The following PTPN3 variants were observed in gnomAD, a reference collection of about 807,000 sequenced individuals.
PTPN3 encodes protein tyrosine phosphatase non-receptor type 3, also known as tyrosine-protein phosphatase non-receptor type 3.
In PTPN3, 96 loss-of-function variants were observed where a neutral mutation model predicts 132.7. The observed-to-expected ratio is 0.72, with a 90% confidence interval of 0.61 to 0.86. The LOEUF (loss-of-function observed/expected upper bound fraction) is 0.86, where lower values mean the gene tolerates loss of function less well. PTPN3 is among the 40% of genes least tolerant of loss of function. The pLI, the probability that PTPN3 is intolerant of heterozygous loss-of-function variation, is 0.00. For missense variants in PTPN3, 1,125 were observed against 1,159.6 expected (o/e 0.97, Z 0.43); for synonymous variants, 398 against 429.0 (o/e 0.93, Z 0.89).
At chr9:109,526,780 A>G in the PTPN3 span, among the ~76,000 whole-genome samples, 1 of 152,230 alleles carries the variant, frequency 6.6e-6, no homozygotes, top group African/African-American at 2.4e-5. Flanking sequence ...CAACTTATAA[A>G]GCTATAGCAA....
In PTPN3 at chr9:109,380,609, C is replaced by T. The variant is rs117193616; in HGVS notation, c.2665-976G>A. On this transcript the variant is annotated intron_variant, in intron 25 of 25. Coordinates refer to ENST00000374541, the MANE Select transcript of PTPN3 (RefSeq NM_002829.4). ...GGACTTTTTTCTTTTTAACCAGCCA[C>T]GAGGTCTTCCATACCAAAAAACAGG... is the stretch of plus-strand genomic sequence containing the variant. 6.6e-5 allele frequency among the ~76,000 whole-genome samples: 10 copies of T among 152,250 alleles called. No homozygotes were observed. The East Asian group carries it at 1.4e-3, about 21-fold the overall frequency.
chr9:109,390,845 T>C (rs984585545), intron 21 of PTPN3, among the ~76,000 whole-genome samples: 1 of 152,160 alleles, frequency 6.6e-6, no homozygotes, highest in Non-Finnish European at 1.5e-5. Flanking sequence ...AACACCTGAA[T>C]GGAAGCCACT....
chr9:109,453,043 G>A (rs73654244), intron 5 of PTPN3, among the ~76,000 whole-genome samples: 3,804 of 152,284 alleles, frequency 0.025, 144 homozygotes, highest in African/African-American at 0.086. Context: ...AAAACTCAGA[G>A]GACAGGGCAT....
At chr9:109,440,696 C>A (rs1424151781) in intron 7 of PTPN3, among the ~76,000 whole-genome samples, 2 of 152,210 alleles carry the variant, frequency 1.3e-5, no homozygotes, top group Non-Finnish European at 2.9e-5. Context: ...GGAGATCCTC[C>A]TGGATCCCAA....
intron 4 of PTPN3, among the ~76,000 whole-genome samples, chr9:109,455,742 C>T (rs569632563): frequency 1.6e-4 from 24 of 152,306 alleles, no homozygotes; most frequent in Middle Eastern, 3.4e-3. Flanking sequence ...TGTCCCCTAT[C>T]GTGTGCTTAC....
intron 9 of PTPN3, among the ~76,000 whole-genome samples, chr9:109,433,574 T>A (rs1394428238): frequency 6.6e-6 from 1 of 152,190 alleles, no homozygotes; most frequent in Admixed American, 6.5e-5. Context: ...ATGATGAAAA[T>A]GTATACATGT....
chr9:109,443,075 ATT>A (rs34673663), intron 7 of PTPN3, among the ~76,000 whole-genome samples: 35 of 137,318 alleles, frequency 2.5e-4, no homozygotes, highest in Non-Finnish European at 2.0e-4. Context: ...GAGACATCAG[ATT>A]TTTTTTTTTT....
At chr9:109,410,177 A>G (rs2131763324) in intron 15 of PTPN3, 52 bp downstream of exon 15, 1 of 1,611,042 alleles carries the variant, frequency 6.2e-7, no homozygotes, top group South Asian at 1.1e-5. Context: ...TGCCCACAAG[A>G]GGCCGGGAAG....
rs764692657 is a variant in PTPN3 at position 109,427,142 on chromosome 9, A to G, written c.829-20T>C. The G allele has an allele frequency of 6.2e-7, 1 of 1,612,574 alleles. No individual in the cohort carries two copies. The highest frequency in any genetic ancestry group is 2.2e-5 in the East Asian group (1 of 44,862). On this transcript the variant is annotated intron_variant, in intron 11 of 25. Coordinates refer to ENST00000374541, the MANE Select transcript of PTPN3 (RefSeq NM_002829.4). ...TTCAGCCTGGGAGGAAAAACAGTCA[A>G]GATTTCACCCACACAGACATAGGAG...
chr9:109,475,890 G>A (rs1277625250), intron 1 of PTPN3, among the ~76,000 whole-genome samples: 1 of 152,172 alleles, frequency 6.6e-6, no homozygotes, highest in African/African-American at 2.4e-5. Flanking sequence ...AGTCCGGCCA[G>A]AGAAACCCAA....
intron 1 of PTPN3, among the ~76,000 whole-genome samples, chr9:109,488,045 C>T (rs374830041): frequency 1.2e-4 from 18 of 150,806 alleles, no homozygotes; most frequent in African/African-American, 3.2e-4. Flanking sequence ...TGACCCCAAA[C>T]GAAATGCTTT....
intron 2 of PTPN3, among the ~76,000 whole-genome samples, chr9:109,458,152 G>A (rs970928179): frequency 2.0e-5 from 3 of 152,146 alleles, no homozygotes; most frequent in African/African-American, 4.8e-5. Context: ...AAAGGCCGTC[G>A]AGGGCTGTGA....
At chr9:109,511,026 T>G in the PTPN3 span, among the ~76,000 whole-genome samples, 1 of 152,202 alleles carries the variant, frequency 6.6e-6, no homozygotes, top group Non-Finnish European at 1.5e-5. Flanking sequence ...CACAAAACTT[T>G]AACTTTGCTC....
chr9:109,486,888 T>A (rs1436894996), intron 1 of PTPN3, among the ~76,000 whole-genome samples: 1 of 152,172 alleles, frequency 6.6e-6, no homozygotes, highest in Non-Finnish European at 1.5e-5. Flanking sequence ...CCTTTTGCTC[T>A]GCACTTCTCC....
chr9:109,513,493 A>T, the PTPN3 span, among the ~76,000 whole-genome samples: 21 of 152,256 alleles, frequency 1.4e-4, no homozygotes, highest in Admixed American at 3.9e-4. Context: ...CTAAGTACAT[A>T]ACCTTTCCTT....
the PTPN3 span, among the ~76,000 whole-genome samples, chr9:109,521,046 G>A: frequency 6.6e-6 from 1 of 152,092 alleles, no homozygotes; most frequent in Non-Finnish European, 1.5e-5. Context: ...TGTGTGACAT[G>A]TATACCCTCC....
rs2304742 is a variant in PTPN3, at chr9:109,383,519, G to T, written c.2286C>A (p.Pro762=). ...TKCHQYWPDP[P]DVMNHGGFHI... ...GAAAGCCGCCGTGGTTCATGACGTC[G>T]GGGGGATCTGGCCAGTACTGGTGAC... is the stretch of plus-strand genomic sequence containing the variant. The change falls in exon 23 of 26, where the codon CCC becomes CCA. Residue 762 remains proline, a synonymous_variant. Transcript: ENST00000374541. The T allele has an allele frequency of 2.5e-6, 4 of 1,613,912 alleles. No homozygotes were observed. Among genetic ancestry groups the T allele is most frequent in the African/African-American group, 2.7e-5 (2 of 75,002 alleles).
chr9:109,495,073 C>T (rs1361515240), intron 1 of PTPN3, among the ~76,000 whole-genome samples: 2 of 152,180 alleles, frequency 1.3e-5, no homozygotes, highest in South Asian at 2.1e-4. Flanking sequence ...TAAGATCAGG[C>T]TCTGAGGTCA....
At chr9:109,384,147 G>A (rs1198261061) in intron 22 of PTPN3, among the ~76,000 whole-genome samples, 1 of 152,072 alleles carries the variant, frequency 6.6e-6, no homozygotes, top group Non-Finnish European at 1.5e-5. Flanking sequence ...CTGGTGAGGC[G>A]GCCGGCGTGG....
Sources: allele counts gnomAD v4.1 joint callset (sites outside exome capture counted in the v4.1 genomes callset), GRCh38; gene constraint gnomAD v4.1.1; transcripts MANE v1.5; gene names NCBI Gene and HGNC (gene_info 2026-07-23, HGNC 2026-07-21).